The following CTNNA2 variants were observed in gnomAD, a reference collection of about 807,000 sequenced individuals.
CTNNA2 encodes the protein catenin alpha-2.
Under a neutral mutation model 101.0 loss-of-function variants are expected in CTNNA2, and 42 were observed. The observed-to-expected ratio is 0.42, with a 90% CI of 0.32 to 0.54. The LOEUF (loss-of-function observed/expected upper bound fraction) is 0.54. Among genes scored for constraint, CTNNA2 ranks in the 20% least tolerant of loss-of-function variants. The probability of loss-of-function intolerance (pLI) is 0.14; values close to 1 mark genes in which losing one functional copy is unlikely to be tolerated. For synonymous variants in CTNNA2, 450 were observed against 456.4 expected, an observed-to-expected ratio of 0.99 and a Z score of 0.18; for missense variants, 871 against 1,223.1, an observed-to-expected ratio of 0.71 and a Z score of 4.29.
chr2:80,019,829 C>A (rs771876304), intron 7 of CTNNA2, among the ~76,000 whole-genome samples: 18 of 152,084 alleles, frequency 1.2e-4, no homozygotes, highest in Non-Finnish European at 8.8e-5. Flanking sequence ...TTGTTCTGAT[C>A]TAACTAAGTG....
At chr2:79,785,747 A>G (rs1201134462) in intron 3 of CTNNA2, among the ~76,000 whole-genome samples, 1 of 152,120 alleles carries the variant, frequency 6.6e-6, no homozygotes, top group East Asian at 1.9e-4. Context: ...TTTAGTGAAT[A>G]TTTGTTGAAT....
At chr2:80,293,007 A>G (rs1171633594) in intron 7 of CTNNA2, among the ~76,000 whole-genome samples, 2 of 152,226 alleles carry the variant, frequency 1.3e-5, no homozygotes, top group African/African-American at 4.8e-5. Context: ...GTGCTGCTGC[A>G]TTCTGAAAAG....
chr2:79,268,537 A>G (rs1675017991), intron 2 of CTNNA2, among the ~76,000 whole-genome samples: 1 of 152,122 alleles, frequency 6.6e-6, no homozygotes, highest in African/African-American at 2.4e-5. Context: ...AGAGGGGGTG[A>G]GGGGAACCCC....
chr2:79,726,715 T>G (rs1308972884), intron 2 of CTNNA2, among the ~76,000 whole-genome samples: 1 of 152,190 alleles, frequency 6.6e-6, no homozygotes. Flanking sequence ...TAATAATATT[T>G]CAGTATATGA....
At chr2:80,000,752 G>C (rs1259602671) in intron 7 of CTNNA2, among the ~76,000 whole-genome samples, 2 of 152,194 alleles carry the variant, frequency 1.3e-5, no homozygotes, top group Non-Finnish European at 2.9e-5. Flanking sequence ...TGCATGTCCT[G>C]AGTCAAGAGG....
At chr2:79,466,126 C>A (rs1181805915) in intron 4 of CTNNA2, among the ~76,000 whole-genome samples, 6 of 152,210 alleles carry the variant, frequency 3.9e-5, no homozygotes, top group Non-Finnish European at 8.8e-5. Flanking sequence ...CAGGGAATTC[C>A]CTTTCCTAGC....
chr2:79,564,012 A>G (rs1674955312), intron 1 of CTNNA2, among the ~76,000 whole-genome samples: 1 of 152,066 alleles, frequency 6.6e-6, no homozygotes, highest in Non-Finnish European at 1.5e-5. Flanking sequence ...GAGGGCACCA[A>G]TGGAGATGGA....
intron 7 of CTNNA2, among the ~76,000 whole-genome samples, chr2:79,977,349 G>C (rs899806868): frequency 6.6e-6 from 1 of 151,954 alleles, no homozygotes; most frequent in African/African-American, 2.4e-5. Flanking sequence ...TAAACGTCAA[G>C]CATTTTTGGT....
intron 18 of CTNNA2, among the ~76,000 whole-genome samples, chr2:80,629,991 C>T (rs1672109868): frequency 6.6e-6 from 1 of 152,136 alleles, no homozygotes; most frequent in African/African-American, 2.4e-5. Flanking sequence ...CTGCCAACCT[C>T]GTTTCCAGCC....
At chr2:80,182,655 G>C (rs1705854490) in intron 7 of CTNNA2, among the ~76,000 whole-genome samples, 1 of 152,154 alleles carries the variant, frequency 6.6e-6, no homozygotes, top group South Asian at 2.1e-4. Flanking sequence ...AGAAAATAAG[G>C]ATTAGATTGA....
chr2:80,356,208 GTCT>G (rs1332412942), intron 7 of CTNNA2, among the ~76,000 whole-genome samples: 1 of 152,168 alleles, frequency 6.6e-6, no homozygotes, highest in Non-Finnish European at 1.5e-5. Context: ...GAAGTTGGCT[GTCT>G]ATAAAAGCCA....
intron 2 of CTNNA2, among the ~76,000 whole-genome samples, chr2:79,280,663 A>AGAGAGAGAGAG (rs1238782976): frequency 1.4e-3 from 67 of 49,292 alleles, no homozygotes; most frequent in Middle Eastern, 9.4e-3. Context: ...GTGTAAGAGA[A>AGAGAGAGAGAG]AGAGAGAGAG....
intron 17 of CTNNA2, among the ~76,000 whole-genome samples, chr2:80,610,637 C>A (rs1188877659): frequency 1.3e-5 from 2 of 151,624 alleles, no homozygotes; most frequent in Non-Finnish European, 3.0e-5. Flanking sequence ...GAGATTTGGA[C>A]ATATTATTTC....
chr2:79,894,299 T>G (rs949412144), intron 6 of CTNNA2, among the ~76,000 whole-genome samples: 1 of 152,020 alleles, frequency 6.6e-6, no homozygotes, highest in Non-Finnish European at 1.5e-5. Context: ...GCCTGGATCA[T>G]TGCAATAACT....
chr2:80,469,115 CAG>C (rs1685088463), intron 9 of CTNNA2, among the ~76,000 whole-genome samples: 1 of 152,102 alleles, frequency 6.6e-6, no homozygotes, highest in Non-Finnish European at 1.5e-5. Flanking sequence ...TACTGTGGCA[CAG>C]AGTTTTGGTT....
At chr2:79,266,143 T>C (rs1674983719) in intron 2 of CTNNA2, among the ~76,000 whole-genome samples, 1 of 152,202 alleles carries the variant, frequency 6.6e-6, no homozygotes, top group Admixed American at 6.5e-5. Context: ...TGTTACTGCT[T>C]TGGGGCATTC....
chr2:79,682,626 T>C (rs796280169), intron 2 of CTNNA2, among the ~76,000 whole-genome samples: 28 of 152,214 alleles, frequency 1.8e-4, no homozygotes, highest in African/African-American at 6.3e-4. Flanking sequence ...AGTCATGAAA[T>C]ATAAGGGGGA....
intron 1 of CTNNA2, among the ~76,000 whole-genome samples, chr2:79,604,840 A>G (rs1677782422): frequency 6.6e-6 from 1 of 152,314 alleles, no homozygotes; most frequent in Admixed American, 6.5e-5. Context: ...CCTGCCTGAC[A>G]AATTGTAGCA....
intron 4 of CTNNA2, among the ~76,000 whole-genome samples, chr2:79,384,971 A>C (rs1678081719): frequency 6.6e-6 from 1 of 152,184 alleles, no homozygotes; most frequent in South Asian, 2.1e-4. Context: ...TTATCCTTAG[A>C]TACACTTAGA....
Sources: allele counts gnomAD v4.1 joint callset (sites outside exome capture counted in the v4.1 genomes callset), GRCh38; gene constraint gnomAD v4.1.1; transcripts MANE v1.5; gene names NCBI Gene and HGNC (gene_info 2026-07-23, HGNC 2026-07-21).